NUMA1: variants seen among roughly 807,000 people sequenced by gnomAD.
NUMA1 encodes SP-H antigen.
Under a neutral mutation model 237.1 loss-of-function variants are expected in NUMA1, and 62 were observed. That is an observed-to-expected ratio of 0.26 (90% CI 0.21 to 0.32). NUMA1 has a LOEUF of 0.32. NUMA1 is among the 10% of genes least tolerant of loss of function. NUMA1 has a pLI of 1.00. For missense variants in NUMA1, 2,533 were observed against 2,666.5 expected, an observed-to-expected ratio of 0.95 and a Z score of 1.10; for synonymous variants, 1,028 against 1,066.1, an observed-to-expected ratio of 0.96 and a Z score of 0.70.
At chr11:72,071,784 G>C (rs889412540) in intron 1 of NUMA1, among the ~76,000 whole-genome samples, 3 of 152,034 alleles carry the variant, frequency 2.0e-5, no homozygotes, top group African/African-American at 7.2e-5. Context: ...CAGCAAATTT[G>C]GCAAAATGTT....
chr11:72,034,505 G>A (rs1472787703), intron 3 of NUMA1, among the ~76,000 whole-genome samples: 2 of 151,862 alleles, frequency 1.3e-5, no homozygotes, highest in African/African-American at 4.8e-5. Context: ...TCAGGAGATC[G>A]AGACCATCCT....
At chr11:72,038,755 A>T (rs1941332526) in intron 2 of NUMA1, among the ~76,000 whole-genome samples, 1 of 151,762 alleles carries the variant, frequency 6.6e-6, no homozygotes, top group Non-Finnish European at 1.5e-5. Flanking sequence ...ATCTGCTGAG[A>T]TCCACCCCAG....
At chr11:72,016,945 C>T (rs1358445491) in intron 13 of NUMA1, 1 of 174,660 alleles carries the variant, frequency 5.7e-6, no homozygotes, top group South Asian at 1.4e-4. Context: ...CACTAAGCAC[C>T]TACAATAGGC....
chr11:72,041,078 T>C (rs1941617237), intron 2 of NUMA1: 1 of 152,072 alleles, frequency 6.6e-6, no homozygotes, highest in African/African-American at 2.4e-5. Flanking sequence ...AGAAAAGTTG[T>C]TGGTTTTCTT....
At chr11:72,054,324 C>T (rs1181700538) in intron 2 of NUMA1, among the ~76,000 whole-genome samples, 4 of 151,892 alleles carry the variant, frequency 2.6e-5, no homozygotes, top group South Asian at 2.1e-4. Context: ...AAAAATTAGC[C>T]GGGCACGGTG....
Position 72,012,437 on chromosome 11 carries a change from C to T in NUMA1, c.4614G>A (p.Glu1538=). The change falls in exon 16 of 27, where the codon GAG becomes GAA. Residue 1538 remains glutamate, a synonymous_variant. Transcript: ENST00000393695. ...EERQKLTAQV[E]QLEVFQREQT... is the part of the protein sequence containing the mutation. ...GCTCTCTCTGAAATACCTCTAGCTGCTCCACCTGTACATGGGGGAGGAGCA... is the reference window on the plus strand; with the variant it reads ...GCTCTCTCTGAAATACCTCTAGCTGTTCCACCTGTACATGGGGGAGGAGCA... The T allele has an allele frequency of 1.2e-6, 2 of 1,613,014 alleles. No homozygotes were observed. Among genetic ancestry groups the T allele is most frequent in the Non-Finnish European group, 8.5e-7 (1 of 1,179,484 alleles).
At chr11:72,044,667 C>CTTTTTTTTTTT (rs1196162358) in intron 2 of NUMA1, among the ~76,000 whole-genome samples, 1 of 125,586 alleles carries the variant, frequency 8.0e-6, no homozygotes, top group Non-Finnish European at 1.7e-5. Flanking sequence ...TGTATGTTTG[C>CTTTTTTTTTTT]TTTTTTTTTT....
chr11:72,009,826 G>A (rs999571624), intron 17 of NUMA1, among the ~76,000 whole-genome samples: 9 of 152,232 alleles, frequency 5.9e-5, no homozygotes, highest in Admixed American at 1.3e-4. Flanking sequence ...TCTTTTCAGA[G>A]GAGGAAACTG....
Position 72,003,300 on chromosome 11 carries a change from G to T in NUMA1, c.*227C>A. 1 of 566,026 alleles carries T rather than the reference G, an allele frequency of 1.8e-6. No individual in the cohort carries two copies. 35.1% of individuals were successfully genotyped at this position (566,026 alleles called of 1,614,324 possible). A position where few individuals can be genotyped will look rare whatever the true frequency, so the allele number is the denominator to read the frequency against. On this transcript the variant is annotated 3_prime_UTR_variant, in exon 27 of 27. Transcript: ENST00000393695. Reference sequence around the variant, plus strand: ...TTAAGAAAAAAGGAGGCAAGGTAGGGAGAGCGCCCACACTGTCCATGCTCC... The same window carrying T: ...TTAAGAAAAAAGGAGGCAAGGTAGGTAGAGCGCCCACACTGTCCATGCTCC...
At chr11:72,010,944 C>G (rs546055537) in intron 16 of NUMA1, 90 bp from the exon 17 acceptor site, 3 of 1,107,754 alleles carry the variant, frequency 2.7e-6, no homozygotes, top group South Asian at 2.5e-5. Flanking sequence ...TTTCCCAGAC[C>G]AGGATCCCCA....
At position 72,013,156 on chromosome 11, in the gene NUMA1, C is replaced by A. The variant is rs746291775; in HGVS notation, c.4347G>T (p.Glu1449Asp). 6.2e-7 allele frequency: 1 copy of A among 1,614,034 alleles called. No homozygotes were observed. The highest frequency in any genetic ancestry group is 1.1e-5 in the South Asian group (1 of 91,090). ...CCCGCTCACCCAGCCCCCGGTTCTC[C>A]TCTGCCAGCAGGCCATGCGCCTTCT... is the stretch of plus-strand genomic sequence containing the variant. Reference protein sequence around the residue: ...MLKKAHGLLAEENRGLGERAN... With the variant: ...MLKKAHGLLADENRGLGERAN... Residue 1449 changes from glutamate (E) to aspartate (D), a missense_variant, in exon 15 of 27, where the codon GAG becomes GAT. By Grantham distance (45) the Glu-to-Asp change is conservative (BLOSUM62 2). Around this residue, in one of 3 missense-constraint regions of NUMA1, gnomAD observed 324 missense variants for 407.6 expected, o/e 0.79. Coordinates refer to ENST00000393695, the MANE Select transcript of NUMA1 (RefSeq NM_006185.4). This position sits in a 1 kb window ranked among gnomAD's most constrained non-coding sequence, Gnocchi z 6.8.
chr11:72,018,562 GAGC>G, intron 10 of NUMA1, 49 bp from the exon 11 acceptor site: 1 of 1,496,312 alleles, frequency 6.7e-7, no homozygotes. Context: ...CTATGTGCAT[GAGC>G]GGAACTATGT....
chr11:72,023,970 C>T (rs1380530761), intron 5 of NUMA1: 1 of 314,960 alleles, frequency 3.2e-6, no homozygotes, highest in Non-Finnish European at 5.9e-6. Flanking sequence ...CCTTGAAGTT[C>T]GGGGAAACAG....
intron 1 of NUMA1, chr11:72,076,833 G>C (rs1480492770): frequency 6.6e-6 from 1 of 151,468 alleles, no homozygotes; most frequent in East Asian, 1.9e-4. Flanking sequence ...GAAATCCTCT[G>C]TATCTTGATT....
chr11:72,017,050 T>C (rs1233509984), intron 13 of NUMA1: 3 of 161,670 alleles, frequency 1.9e-5, no homozygotes, highest in Non-Finnish European at 2.7e-5. Flanking sequence ...TGGCGAGATC[T>C]TGGCTTACTG....
At chr11:72,024,833 C>G (rs529405960) in intron 4 of NUMA1, 1 of 159,056 alleles carries the variant, frequency 6.3e-6, no homozygotes, top group Non-Finnish European at 1.4e-5. Context: ...GAAGTTCCCC[C>G]ACTAGGCTGA....
intron 20 of NUMA1, 58 bp from the exon 21 acceptor site, chr11:72,007,493 G>T: frequency 6.3e-7 from 1 of 1,590,588 alleles, no homozygotes; most frequent in Non-Finnish European, 8.5e-7. Flanking sequence ...ATTTTGTCCA[G>T]CCCTTTTTGA....
Position 72,007,413 on chromosome 11 carries a change from C to G in NUMA1, c.5239G>C (p.Asp1747His), listed in dbSNP as rs368761248. ...ITSKLPRTQP[D>H]GTSVPGEPAS... ...GGTTCTCCAGGGACGCTGGTGCCGTCTGGCTGGGTACGAGGCAGCTTGCTA... is the reference window on the plus strand; with the variant it reads ...GGTTCTCCAGGGACGCTGGTGCCGTGTGGCTGGGTACGAGGCAGCTTGCTA... Residue 1747 changes from aspartate (D) to histidine (H), a missense_variant, in exon 21 of 27, where the codon GAC becomes CAC. By Grantham distance (81) the Asp-to-His change is moderately conservative. Coordinates refer to ENST00000393695, the MANE Select transcript of NUMA1 (RefSeq NM_006185.4). 41 of 1,613,620 alleles carry G rather than the reference C, an allele frequency of 2.5e-5. No homozygotes were observed. The African/African-American group carries it at 5.3e-4, about 21-fold the overall frequency.
intron 1 of NUMA1, chr11:72,072,287 T>A (rs1276126700): frequency 6.5e-6 from 1 of 154,598 alleles, no homozygotes; most frequent in Non-Finnish European, 1.5e-5. Flanking sequence ...TCACATTGCA[T>A]CCACCTTGCC....
Sources: allele counts gnomAD v4.1 joint callset (sites outside exome capture counted in the v4.1 genomes callset), GRCh38; gene constraint gnomAD v4.1.1; regional missense constraint gnomAD v4.1.1; non-coding constraint Gnocchi (gnomAD v3.1); transcripts MANE v1.5; gene names NCBI Gene and HGNC (gene_info 2026-07-23, HGNC 2026-07-21).